SEC24D: variants seen among roughly 807,000 people sequenced by gnomAD.
The protein encoded by SEC24D is protein transport protein Sec24D.
A neutral mutation model predicts 116.9 loss-of-function variants in SEC24D; 69 were observed. The observed-to-expected ratio is 0.59, with a 90% CI of 0.49 to 0.72. SEC24D has a LOEUF of 0.72. Ranked by LOEUF, SEC24D falls within the 30% of genes least tolerant of loss-of-function variation. The pLI is 0.00. For missense variants in SEC24D, 1,131 were observed against 1,264.1 expected, an observed-to-expected ratio of 0.89 and a Z score of 1.60; for synonymous variants, 405 against 442.8, an observed-to-expected ratio of 0.91 and a Z score of 1.07.
rs1729649434 is a variant in SEC24D, at chr4:118,805,783, G to C, written c.913+60C>G. The C allele has an allele frequency of 3.0e-6, 3 of 991,456 alleles. No homozygotes were observed. The South Asian group carries it at 5.0e-5, about 16-fold the overall frequency. The allele number at this position is 991,456 out of a possible 1,614,324, so 61.4% of individuals were successfully genotyped here. On this transcript the variant is annotated intron_variant, in intron 7 of 22. Coordinates refer to ENST00000280551, the MANE Select transcript of SEC24D (RefSeq NM_014822.4). Reference sequence around the variant, plus strand: ...ATTATTGAAGGGTGTCAGTGTATTTGCTTTAAAAACGGTGAGAAATTTTAA... The same window carrying C: ...ATTATTGAAGGGTGTCAGTGTATTTCCTTTAAAAACGGTGAGAAATTTTAA...
intron 8 of SEC24D, among the ~76,000 whole-genome samples, chr4:118,784,848 T>A (rs1046883711): frequency 3.3e-5 from 5 of 150,368 alleles, no homozygotes; most frequent in African/African-American, 1.2e-4. Flanking sequence ...AGAATAATAG[T>A]GAAACCTAAG....
intron 8 of SEC24D, among the ~76,000 whole-genome samples, chr4:118,770,978 A>G (rs1727873967): frequency 6.6e-6 from 1 of 152,186 alleles, no homozygotes. Context: ...AACTGTTTAC[A>G]TTTTATTTTC....
At chr4:118,833,547 A>C in intron 2 of SEC24D, 32 bp downstream of exon 2, 1 of 1,419,758 alleles carries the variant, frequency 7.0e-7, no homozygotes, top group South Asian at 1.2e-5. Context: ...AGAACTGAAT[A>C]ATCACATACA....
At chr4:118,830,643 A>T (rs1301658217) in intron 2 of SEC24D, among the ~76,000 whole-genome samples, 1 of 151,300 alleles carries the variant, frequency 6.6e-6, no homozygotes, top group Non-Finnish European at 1.5e-5. Flanking sequence ...TTGCCAATTA[A>T]AATTTTTTTT....
intron 1 of SEC24D, among the ~76,000 whole-genome samples, chr4:118,835,201 G>A (rs1731041312): frequency 6.6e-6 from 1 of 152,204 alleles, no homozygotes; most frequent in Admixed American, 6.5e-5. Flanking sequence ...GTTGCTGAGT[G>A]ACAGAAAAGA....
rs754119556 is a variant in SEC24D at position 118,740,919 on chromosome 4, G to T, written c.2092+22C>A. ...AACAATTATTCAAGAGAGACCCGAA[G>T]AATTGTATAAATGATAATTACCTGT... On this transcript the variant is annotated intron_variant, in intron 16 of 22. Transcript: ENST00000280551. The T allele has an allele frequency of 2.5e-6, 4 of 1,585,450 alleles. No individual in the cohort carries two copies. In the South Asian group the frequency reaches 3.4e-5, roughly 13 times the overall value.
chr4:118,818,135 A>G (rs115084148), intron 3 of SEC24D, among the ~76,000 whole-genome samples: 7,275 of 152,286 alleles, frequency 0.048, 215 homozygotes, highest in Non-Finnish European at 0.064. Context: ...GCATTAAACA[A>G]TGGCCGCTAT....
At position 118,768,246 on chromosome 4, in the gene SEC24D, G is replaced by A; in HGVS notation, c.1107C>T (p.Tyr369=). ...GPVRCNRCKA[Y]MCPFMQFIEG... Reference sequence around the variant, plus strand: ...CGATGAACTGCATAAATGGGCACATGTAGGCCTTGCACCTGTTGCATCTGA... The same window carrying A: ...CGATGAACTGCATAAATGGGCACATATAGGCCTTGCACCTGTTGCATCTGA... The change falls in exon 9 of 23, where the codon TAC becomes TAT. Residue 369 remains tyrosine (Y), a synonymous_variant. Transcript: ENST00000280551. 1 of 1,613,774 alleles carries A rather than the reference G, an allele frequency of 6.2e-7. No homozygotes were observed. Among genetic ancestry groups the A allele is most frequent in the Non-Finnish European group, 8.5e-7 (1 of 1,179,714 alleles).
At chr4:118,767,471 T>C (rs1198752246) in intron 9 of SEC24D, among the ~76,000 whole-genome samples, 5 of 152,204 alleles carry the variant, frequency 3.3e-5, no homozygotes, top group Admixed American at 3.3e-4. Context: ...AATCATCACA[T>C]GGTTCAAAAA....
At chr4:118,756,224 C>A (rs1439927553) in intron 11 of SEC24D, among the ~76,000 whole-genome samples, 3 of 152,082 alleles carry the variant, frequency 2.0e-5, no homozygotes, top group Non-Finnish European at 2.9e-5. Flanking sequence ...TAATAAAATA[C>A]ATCATATTCA....
chr4:118,835,059 CA>C (rs1426001212), intron 1 of SEC24D, among the ~76,000 whole-genome samples: 5 of 152,156 alleles, frequency 3.3e-5, no homozygotes, highest in Non-Finnish European at 7.3e-5. Context: ...CCTTCTGGTC[CA>C]CTTTGTTTCT....
intron 21 of SEC24D, chr4:118,729,404 A>G (rs1414067917): frequency 2.0e-5 from 3 of 152,218 alleles, no homozygotes; most frequent in Non-Finnish European, 4.4e-5. Flanking sequence ...AAGAGACAAT[A>G]GTATATGTTT....
intron 8 of SEC24D, among the ~76,000 whole-genome samples, chr4:118,780,626 G>A (rs1336723215): frequency 6.6e-6 from 1 of 152,168 alleles, no homozygotes; most frequent in Non-Finnish European, 1.5e-5. Context: ...TCTGCTTGGT[G>A]CAGAGCTGAG....
At chr4:118,752,184 A>C in intron 12 of SEC24D, 95 bp from the exon 13 acceptor site, 1 of 802,216 alleles carries the variant, frequency 1.2e-6, no homozygotes, top group Non-Finnish European at 2.0e-6. Context: ...CTAAACACAT[A>C]TGGTATTTAT....
At chr4:118,747,632 T>TA (rs1553923563) in intron 13 of SEC24D, among the ~76,000 whole-genome samples, 1 of 151,892 alleles carries the variant, frequency 6.6e-6, no homozygotes, top group East Asian at 1.9e-4. Flanking sequence ...TATAAAGCTT[T>TA]AAAAAAAAGT....
chr4:118,764,072 G>T (rs563508188), intron 10 of SEC24D, among the ~76,000 whole-genome samples: 1 of 152,148 alleles, frequency 6.6e-6, no homozygotes, highest in South Asian at 2.1e-4. Flanking sequence ...TGAACATCTG[G>T]TATAAAGGCA....
intron 8 of SEC24D, among the ~76,000 whole-genome samples, chr4:118,793,330 AGTG>A (rs1729022668): frequency 6.6e-6 from 1 of 150,504 alleles, no homozygotes; most frequent in Admixed American, 6.6e-5. Context: ...AGCCGGGCGT[AGTG>A]GCGGGCGCCT....
intron 9 of SEC24D, among the ~76,000 whole-genome samples, chr4:118,767,626 T>C (rs941265887): frequency 6.6e-6 from 1 of 152,218 alleles, no homozygotes; most frequent in African/African-American, 2.4e-5. Flanking sequence ...ATCAGTAAAT[T>C]CGTACTGGAA....
At chr4:118,766,362 T>G (rs1203244973) in intron 9 of SEC24D, among the ~76,000 whole-genome samples, 2 of 152,194 alleles carry the variant, frequency 1.3e-5, no homozygotes, top group Non-Finnish European at 2.9e-5. Context: ...GCAAGCCTGC[T>G]GGGTTCTTTC....
Sources: gnomAD v4.1 joint callset for allele counts (sites outside exome capture counted in the v4.1 genomes callset) on GRCh38, gnomAD v4.1.1 for gene constraint, MANE v1.5 for transcripts, NCBI Gene and HGNC (gene_info 2026-07-23, HGNC 2026-07-21) for gene names.